The following ZNF124 variants were observed in gnomAD, a reference collection of about 807,000 sequenced individuals.
ZNF124 encodes the protein zinc finger protein HZF-16.
Under a neutral mutation model 26.6 loss-of-function variants are expected in ZNF124, and 25 were observed. The observed-to-expected ratio is 0.94, with a 90% CI of 0.68 to 1.31. The LOEUF (loss-of-function observed/expected upper bound fraction) is 1.31, where lower values mean the gene tolerates loss of function less well. Ranked by LOEUF, ZNF124 falls within the 40% of genes most tolerant of loss-of-function variation. ZNF124 has a pLI of 0.00. For missense variants in ZNF124, 444 were observed against 422.2 expected (o/e 1.05, Z -0.45); for synonymous variants, 129 against 133.3 (o/e 0.97, Z 0.22).
At chr1:247,131,428 G>C (rs1035769716) in intron 3 of ZNF124, among the ~76,000 whole-genome samples, 5 of 152,324 alleles carry the variant, frequency 3.3e-5, no homozygotes, top group East Asian at 1.9e-4. Flanking sequence ...CAACTCCCAG[G>C]GGGAGGGGCA....
At position 247,156,220 on chromosome 1, in the gene ZNF124, A is replaced by G; in HGVS notation, c.*346T>C. On this transcript the variant is annotated 3_prime_UTR_variant, in exon 4 of 4. Transcript: ENST00000543802. ...TACCATGTGTCTCTGAGTGAGTTAT[A>G]GGATAAATGAAGGCATTCTCACATT... The G allele has an allele frequency of 9.9e-7, 1 of 1,011,830 alleles. No homozygotes were observed. Among genetic ancestry groups the G allele is most frequent in the South Asian group, 4.6e-5 (1 of 21,752 alleles). The allele number at this position is 1,011,830 out of a possible 1,614,324, so 62.7% of individuals were successfully genotyped here.
intron 1 of ZNF124, among the ~76,000 whole-genome samples, chr1:247,161,441 A>G (rs1322835176): frequency 1.3e-5 from 2 of 152,170 alleles, no homozygotes; most frequent in African/African-American, 4.8e-5. Flanking sequence ...TCAAAAGTAA[A>G]AAGTATAAAT....
chr1:247,149,821 T>A (rs1359620194), intron 3 of ZNF124: 2 of 152,228 alleles, frequency 1.3e-5, no homozygotes, highest in Non-Finnish European at 2.9e-5. Context: ...AATACCTGAC[T>A]AGGTAGTTTA....
intron 3 of ZNF124, among the ~76,000 whole-genome samples, chr1:247,139,066 C>T (rs72770326): frequency 0.013 from 1,926 of 152,252 alleles, 21 homozygotes; most frequent in Non-Finnish European, 0.02. Flanking sequence ...TGGACTGAAC[C>T]GATGTTCATC....
rs548952043 is a variant in ZNF124 at position 247,155,637 on chromosome 1, G to A, written c.*929C>T. 2.0e-4 allele frequency among the ~76,000 whole-genome samples: 31 copies of A among 151,974 alleles called. No homozygotes were observed. The highest frequency in any genetic ancestry group is 3.5e-4 in the Non-Finnish European group (24 of 67,972). On this transcript the variant is annotated 3_prime_UTR_variant, in exon 4 of 4. Coordinates refer to ENST00000543802, the MANE Select transcript of ZNF124 (RefSeq NM_001297568.2). The stretch of plus-strand genomic sequence containing the variant: ...AGCACTTTGGGAGGCTGAAGCGGGC[G>A]GATCACGAGGTCAGGAGATTGAGAC...
chr1:247,158,617 ATTTTG>A (rs912028251), intron 3 of ZNF124, among the ~76,000 whole-genome samples: 15 of 151,462 alleles, frequency 9.9e-5, no homozygotes, highest in African/African-American at 3.6e-4. Context: ...GTCTTAATTT[ATTTTG>A]TTTGCTTGGT....
At chr1:247,128,136 A>G (rs955423887) in intron 3 of ZNF124, among the ~76,000 whole-genome samples, 3 of 152,198 alleles carry the variant, frequency 2.0e-5, no homozygotes, top group Admixed American at 2.0e-4. Context: ...TTTATTGTGC[A>G]TTTGAACCAG....
At chr1:247,134,431 C>CA (rs575078736) in intron 3 of ZNF124, among the ~76,000 whole-genome samples, 314 of 150,494 alleles carry the variant, frequency 2.1e-3, no homozygotes, top group African/African-American at 7.3e-3. Context: ...AAATGTAAAG[C>CA]AAAAAAAAGG....
At chr1:247,159,122 C>T in intron 2 of ZNF124, 56 bp from the exon 3 acceptor site, 4 of 1,524,018 alleles carry the variant, frequency 2.6e-6, no homozygotes, top group Non-Finnish European at 1.8e-6. Context: ...AGAAAAATTA[C>T]TAGACTCTAG....
chr1:247,134,047 C>T (rs1399422961), intron 3 of ZNF124, among the ~76,000 whole-genome samples: 1 of 152,112 alleles, frequency 6.6e-6, no homozygotes, highest in Non-Finnish European at 1.5e-5. Flanking sequence ...CCTTTCCAGA[C>T]AAATGCTGAA....
At chr1:247,131,112 A>G (rs1672351844) in intron 3 of ZNF124, among the ~76,000 whole-genome samples, 1 of 152,194 alleles carries the variant, frequency 6.6e-6, no homozygotes, top group Non-Finnish European at 1.5e-5. Flanking sequence ...TGAATCCTTC[A>G]CCAGCAACCA....
chr1:247,141,142 G>C (rs951018303), intron 3 of ZNF124, among the ~76,000 whole-genome samples: 1 of 152,092 alleles, frequency 6.6e-6, no homozygotes, highest in Admixed American at 6.6e-5. Context: ...CAAGCCCAGG[G>C]TTTCCTATCT....
At position 247,157,057 on chromosome 1, in the gene ZNF124, G is replaced by A. The variant is rs754748969; in HGVS notation, c.565C>T (p.Arg189Cys). 16 of 1,612,624 alleles carry A rather than the reference G, an allele frequency of 9.9e-6. No homozygotes were observed. In the East Asian group the frequency reaches 2.5e-4, roughly 25 times the overall value. ...TCATGGTCACGAAGGTGACTGGAAC[G>A]ACTGAAGGCTTTCCCACATTGCTTA... ...ECKQCGKAFSRSSHLRDHERT... is the reference protein window; with the variant it reads ...ECKQCGKAFSCSSHLRDHERT... Residue 189 changes from arginine to cysteine, a missense_variant, in exon 4 of 4, where the codon CGT (arginine) becomes TGT (cysteine). Transcript: ENST00000543802.
rs1673200721 is a variant in ZNF124 at position 247,157,210 on chromosome 1, G to A, written c.412C>T (p.Gln138Ter). The change falls in exon 4 of 4, where the codon CAG (glutamine) becomes TAG (stop). Residue 138 changes from glutamine to a stop codon, truncating the protein, a stop_gained. Coordinates refer to ENST00000543802, the MANE Select transcript of ZNF124 (RefSeq NM_001297568.2). LOFTEE classifies it high-confidence loss of function. The stretch of plus-strand genomic sequence containing the variant: ...CCAGTGTGATTTCTCTGATGTATCT[G>A]AAATGAACTGGGAATATTAAAAACT... ...EKVFNIPSSF[Q>*]IHQRNHTGEK... 3 of 1,614,086 alleles carry A rather than the reference G, an allele frequency of 1.9e-6. No individual in the cohort carries two copies. Among genetic ancestry groups the A allele is most frequent in the Non-Finnish European group, 2.5e-6 (3 of 1,179,932 alleles).
chr1:247,154,771 G>A (rs966923961), downstream of ZNF124, among the ~76,000 whole-genome samples: 2 of 152,200 alleles, frequency 1.3e-5, no homozygotes, highest in African/African-American at 2.4e-5. Flanking sequence ...GGGCAAGGCA[G>A]GAGAATCACT....
chr1:247,147,758 C>T (rs1672823805), intron 3 of ZNF124, among the ~76,000 whole-genome samples: 1 of 152,148 alleles, frequency 6.6e-6, no homozygotes, highest in African/African-American at 2.4e-5. Flanking sequence ...ACCTGTCTCC[C>T]ACCCAGACTG....
At chr1:247,135,763 C>T (rs560439529) in intron 3 of ZNF124, among the ~76,000 whole-genome samples, 1 of 152,252 alleles carries the variant, frequency 6.6e-6, no homozygotes, top group East Asian at 1.9e-4. Flanking sequence ...TGATGAACGT[C>T]AATGCAAAAA....
chr1:247,156,989 A>C lies in ZNF124; in HGVS notation c.633T>G (p.Cys211Trp). ...TGEKPYECKH[C>W]GKAFRYSNCL... The stretch of plus-strand genomic sequence containing the variant: ...AATTGGAGTAACGGAAGGCTTTCCC[A>C]CAGTGCTTACATTCATAGGGTTTCT... Residue 211 changes from cysteine to tryptophan, a missense_variant, in exon 4 of 4, where the codon TGT becomes TGG. Physicochemically the swap from Cys to Trp is radical, Grantham distance 215 (BLOSUM62 -2). Transcript: ENST00000543802. 6.2e-7 allele frequency: 1 copy of C among 1,613,136 alleles called. No individual in the cohort carries two copies. Among genetic ancestry groups the C allele is most frequent in the Non-Finnish European group, 8.5e-7 (1 of 1,179,438 alleles).
chr1:247,138,662 C>A, intron 3 of ZNF124: 1 of 398,420 alleles, frequency 2.5e-6, no homozygotes, highest in South Asian at 1.3e-4. Context: ...CATGGCAATT[C>A]CTTGCCCCAA....
Sources: gnomAD v4.1 joint callset for allele counts (sites outside exome capture counted in the v4.1 genomes callset) on GRCh38, gnomAD v4.1.1 for gene constraint, MANE v1.5 for transcripts, NCBI Gene and HGNC (gene_info 2026-07-23, HGNC 2026-07-21) for gene names.